The following CUBN variants were observed in gnomAD, a reference collection of about 807,000 sequenced individuals.
CUBN encodes 460 kDa receptor.
CUBN carries 282 observed loss-of-function variants against 405.3 expected under a neutral mutation model. That is an observed-to-expected ratio of 0.70 (90% CI 0.63 to 0.77). The LOEUF (loss-of-function observed/expected upper bound fraction) is 0.77, where lower values mean the gene tolerates loss of function less well. Among genes scored for constraint, CUBN ranks in the 30% least tolerant of loss-of-function variants. CUBN has a pLI of 0.00. For synonymous variants in CUBN, 1,684 were observed against 1,617.0 expected, an observed-to-expected ratio of 1.04 and a Z score of -0.99; for missense variants, 4,514 against 4,475.2, an observed-to-expected ratio of 1.01 and a Z score of -0.25.
Position 17,105,676 on chromosome 10 carries a change from C to G in CUBN, c.1112-101G>C, listed in dbSNP as rs956777973. On this transcript the variant is annotated intron_variant, in intron 10 of 66. Transcript: ENST00000377833. ...TGCTGTCTAGACAAGGATCCACCAA[C>G]ATCCAGTCTGTGTATTTTGACGGGC... 6.9e-6 allele frequency: 5 copies of G among 728,456 alleles called. No homozygotes were observed. In the African/African-American group the frequency reaches 8.7e-5, roughly 13 times the overall value. 45.1% of individuals were successfully genotyped at this position (728,456 alleles called of 1,614,324 possible). A position where few individuals can be genotyped will look rare whatever the true frequency, so the allele number is the denominator to read the frequency against.
intron 28 of CUBN, among the ~76,000 whole-genome samples, chr10:17,005,929 G>A (rs1417709994): frequency 6.6e-6 from 1 of 152,154 alleles, no homozygotes; most frequent in Non-Finnish European, 1.5e-5. Context: ...TCTGACTGGT[G>A]TCCTTATAAG....
chr10:16,874,844 G>C (rs2131375082), intron 57 of CUBN, among the ~76,000 whole-genome samples: 1 of 152,216 alleles, frequency 6.6e-6, no homozygotes, highest in Middle Eastern at 3.4e-3. Flanking sequence ...GGTTGAGAGA[G>C]GGATGACAAC....
At position 16,899,029 on chromosome 10, in the gene CUBN, G is replaced by C; in HGVS notation, c.8565C>G (p.Ser2855Arg). The C allele has an allele frequency of 6.2e-7, 1 of 1,612,972 alleles. No individual in the cohort carries two copies. The highest frequency in any genetic ancestry group is 8.5e-7 in the Non-Finnish European group (1 of 1,178,978). ...ISFDNNFLIPSGDGQCQNSFV... is the reference protein window; with the variant it reads ...ISFDNNFLIPRGDGQCQNSFV... Reference sequence around the variant, plus strand: ...AGCTATTCTGACATTGTCCATCACCGCTGGGGATTAGGAAGTTGTTGTCAA... The same window carrying C: ...AGCTATTCTGACATTGTCCATCACCCCTGGGGATTAGGAAGTTGTTGTCAA... Residue 2855 changes from serine (S) to arginine (R), a missense_variant, in exon 54 of 67, where the codon AGC becomes AGG. Transcript: ENST00000377833.
chr10:16,931,930 T>C (rs1842373744), intron 40 of CUBN, among the ~76,000 whole-genome samples: 1 of 152,242 alleles, frequency 6.6e-6, no homozygotes, highest in African/African-American at 2.4e-5. Flanking sequence ...TTCTAGTAGG[T>C]TCTGAACACT....
chr10:17,100,078 G>A lies in CUBN; in HGVS notation c.1692C>T (p.Leu564=), dbSNP rs777582437. 1 of 1,613,970 alleles carries A rather than the reference G, an allele frequency of 6.2e-7. No individual in the cohort carries two copies. The highest frequency in any genetic ancestry group is 8.5e-7 in the Non-Finnish European group (1 of 1,179,922). Residue 564 remains leucine (L), a synonymous_variant, in exon 14 of 67, where the codon CTC becomes CTT. Coordinates refer to ENST00000377833, the MANE Select transcript of CUBN (RefSeq NM_001081.4). ...PHELLSSDNA[L]YFHLYSEHLR... Reference sequence around the variant, plus strand: ...AATGTTCAGAATAGAGATGAAAATAGAGAGCATTGTCACTGCTGAGGAGTT... The same window carrying A: ...AATGTTCAGAATAGAGATGAAAATAAAGAGCATTGTCACTGCTGAGGAGTT...
chr10:17,018,626 C>T (rs61842854), intron 28 of CUBN, among the ~76,000 whole-genome samples: 12,388 of 152,084 alleles, frequency 0.081, 650 homozygotes, highest in East Asian at 0.17. Context: ...AGTGGGTTGC[C>T]GCTGCTGGCT....
chr10:16,994,424 C>T (rs949794509), intron 28 of CUBN, among the ~76,000 whole-genome samples: 6 of 152,184 alleles, frequency 3.9e-5, no homozygotes, highest in African/African-American at 1.4e-4. Flanking sequence ...GAATACTATT[C>T]TATCCTTTAC....
Position 17,114,164 on chromosome 10 carries a change from G to C in CUBN, c.746C>G (p.Ala249Gly). The change falls in exon 8 of 67, where the codon GCT (alanine) becomes GGT (glycine). Residue 249 changes from alanine to glycine, a missense_variant. Ala to Gly is a moderately conservative substitution (Grantham distance 60). Around this residue, in one of 5 missense-constraint regions of CUBN, gnomAD observed 1,448 missense variants for 1,388.0 expected, o/e 1.04. Coordinates refer to ENST00000377833, the MANE Select transcript of CUBN (RefSeq NM_001081.4). ...GEPKYSCVCD[A>G]GWMFSPNSPA... ...GCTGTTGGGTGAAAACATCCACCCA[G>C]CATCACAGACGCAGCTGTACTTGGG... 6.2e-7 allele frequency: 1 copy of C among 1,613,898 alleles called. No homozygotes were observed. Among genetic ancestry groups the C allele is most frequent in the Non-Finnish European group, 8.5e-7 (1 of 1,179,922 alleles).
intron 14 of CUBN, among the ~76,000 whole-genome samples, chr10:17,097,984 A>T (rs1836411660): frequency 6.6e-6 from 1 of 152,164 alleles, no homozygotes; most frequent in African/African-American, 2.4e-5. Context: ...GTATGGCAGA[A>T]ATAACACAAT....
intron 59 of CUBN, among the ~76,000 whole-genome samples, chr10:16,860,341 A>G (rs1176765663): frequency 6.6e-6 from 1 of 152,214 alleles, no homozygotes; most frequent in East Asian, 1.9e-4. Flanking sequence ...AAAGAAAGCT[A>G]TGGAAGTTAT....
At chr10:16,952,935 A>G (rs1842957357) in intron 32 of CUBN, among the ~76,000 whole-genome samples, 1 of 152,150 alleles carries the variant, frequency 6.6e-6, no homozygotes, top group Non-Finnish European at 1.5e-5. Flanking sequence ...GAGGCCAGGG[A>G]GGGGACTGCC....
chr10:17,127,957 C>G, intron 2 of CUBN, 33 bp from the exon 3 acceptor site: 1 of 1,382,514 alleles, frequency 7.2e-7, no homozygotes, highest in Non-Finnish European at 1.0e-6. Context: ...AAATGAAGAG[C>G]ACTAGTGAAA....
At chr10:16,951,723 AAT>A (rs1842926110) in intron 33 of CUBN, among the ~76,000 whole-genome samples, 1 of 152,190 alleles carries the variant, frequency 6.6e-6, no homozygotes, top group African/African-American at 2.4e-5. Flanking sequence ...GCGTTTATTC[AAT>A]GTTTCTTCTA....
intron 59 of CUBN, among the ~76,000 whole-genome samples, chr10:16,856,484 C>T (rs994937418): frequency 1.3e-5 from 2 of 152,092 alleles, no homozygotes; most frequent in African/African-American, 4.8e-5. Context: ...AATCGGTAAC[C>T]GAATCCTGAA....
At chr10:17,116,139 T>C (rs1022136068) in intron 6 of CUBN, among the ~76,000 whole-genome samples, 3 of 152,228 alleles carry the variant, frequency 2.0e-5, no homozygotes, top group Admixed American at 6.5e-5. Flanking sequence ...CGTAGTTATA[T>C]AATATAATAC....
Position 16,920,089 on chromosome 10 carries a change from A to G in CUBN, c.6695T>C (p.Val2232Ala). The G allele has an allele frequency of 6.2e-7, 1 of 1,614,040 alleles. No homozygotes were observed. Among genetic ancestry groups the G allele is most frequent in the Non-Finnish European group, 8.5e-7 (1 of 1,179,978 alleles). Residue 2232 changes from valine (V) to alanine (A), a missense_variant, in exon 44 of 67, where the codon GTG (valine) becomes GCG (alanine). This residue lies in a region of CUBN where 1,613 missense variants were observed against 1,542.8 expected (regional missense o/e 1.05). Coordinates refer to ENST00000377833, the MANE Select transcript of CUBN (RefSeq NM_001081.4). ...ATTATGAGGGTGGTTGGGGGAGGTC[A>G]CATACCCAGCAGAATCAGCATCATG... ...YIHDADSAGYVTSPNHPHNYP... is the reference protein window; with the variant it reads ...YIHDADSAGYATSPNHPHNYP...
At chr10:17,036,081 C>A (rs1015121569) in intron 27 of CUBN, among the ~76,000 whole-genome samples, 1 of 152,122 alleles carries the variant, frequency 6.6e-6, no homozygotes, top group East Asian at 1.9e-4. Flanking sequence ...AGTTCTGCTT[C>A]TGCCCAGAAC....
At chr10:16,979,980 T>G (rs540740586) in intron 31 of CUBN, among the ~76,000 whole-genome samples, 2 of 151,982 alleles carry the variant, frequency 1.3e-5, no homozygotes, top group East Asian at 3.9e-4. Flanking sequence ...TACAAGAAAC[T>G]TAAACAAATT....
intron 54 of CUBN, among the ~76,000 whole-genome samples, chr10:16,894,322 T>TC (rs1388261092): frequency 6.6e-6 from 1 of 152,174 alleles, no homozygotes; most frequent in East Asian, 1.9e-4. Context: ...TATTTTTTTT[T>TC]CTCTAGAAGT....
Sources: allele counts gnomAD v4.1 joint callset (sites outside exome capture counted in the v4.1 genomes callset), GRCh38; gene constraint gnomAD v4.1.1; regional missense constraint gnomAD v4.1.1; transcripts MANE v1.5; gene names NCBI Gene and HGNC (gene_info 2026-07-23, HGNC 2026-07-21).